Variants in GRID2 observed in about 807,000 individuals in gnomAD.
GRID2 encodes glutamate ionotropic receptor delta type subunit 2.
A neutral mutation model predicts 114.8 loss-of-function variants in GRID2; 33 were observed. The observed-to-expected ratio is 0.29, with a 90% CI of 0.22 to 0.38. GRID2 has a LOEUF of 0.38. GRID2 is among the 10% of genes least tolerant of loss of function. The pLI, the probability that GRID2 is intolerant of heterozygous loss-of-function variation, is 1.00. For missense variants in GRID2, 1,184 were observed against 1,257.7 expected (o/e 0.94, Z 0.89); for synonymous variants, 505 against 449.9 (o/e 1.12, Z -1.55).
intron 2 of GRID2, among the ~76,000 whole-genome samples, chr4:93,025,762 C>G (rs182143073): frequency 6.6e-6 from 1 of 151,694 alleles, no homozygotes; most frequent in African/African-American, 2.4e-5. Context: ...AACATAATAG[C>G]TTCCCATGAG....
At chr4:93,756,121 C>A (rs966524983) in intron 14 of GRID2, among the ~76,000 whole-genome samples, 13 of 152,036 alleles carry the variant, frequency 8.6e-5, no homozygotes, top group Non-Finnish European at 4.4e-5. Context: ...TTATATGTAT[C>A]CTAGTTTTTA....
intron 8 of GRID2, among the ~76,000 whole-genome samples, chr4:93,356,261 T>A (rs956793063): frequency 6.6e-6 from 1 of 152,084 alleles, no homozygotes; most frequent in African/African-American, 2.4e-5. Context: ...TTATCAAGTA[T>A]AGAATACTTA....
intron 1 of GRID2, among the ~76,000 whole-genome samples, chr4:92,357,427 A>T (rs1451501228): frequency 1.3e-5 from 2 of 151,930 alleles, no homozygotes; most frequent in Non-Finnish European, 2.9e-5. Flanking sequence ...ATAATTCAAA[A>T]TCTGCTCTCT....
At chr4:93,266,260 A>C (rs1256112959) in intron 8 of GRID2, among the ~76,000 whole-genome samples, 1 of 152,158 alleles carries the variant, frequency 6.6e-6, no homozygotes, top group East Asian at 1.9e-4. Context: ...TGAACAAAAC[A>C]ATTTTATTCG....
At chr4:92,575,854 A>T (rs1727865624) in intron 1 of GRID2, among the ~76,000 whole-genome samples, 1 of 152,220 alleles carries the variant, frequency 6.6e-6, no homozygotes, top group Non-Finnish European at 1.5e-5. Context: ...TCCCTCCCAG[A>T]GAGAAATTAG....
At chr4:93,501,397 T>C (rs999799734) in intron 12 of GRID2, among the ~76,000 whole-genome samples, 2 of 152,024 alleles carry the variant, frequency 1.3e-5, no homozygotes. Context: ...GGCTGGCTCA[T>C]ACTGCCTTTC....
At chr4:93,303,006 G>T (rs997001198) in intron 8 of GRID2, among the ~76,000 whole-genome samples, 3 of 152,188 alleles carry the variant, frequency 2.0e-5, no homozygotes, top group African/African-American at 7.2e-5. Flanking sequence ...CAGGAAGCAT[G>T]GCTGGGGAGG....
intron 7 of GRID2, among the ~76,000 whole-genome samples, chr4:93,234,045 T>C (rs545334136): frequency 6.6e-6 from 1 of 152,276 alleles, no homozygotes; most frequent in East Asian, 1.9e-4. Context: ...ATTTAGAATT[T>C]ACAAATCTGA....
intron 8 of GRID2, among the ~76,000 whole-genome samples, chr4:93,297,074 G>A (rs763006130): frequency 1.3e-5 from 2 of 151,966 alleles, no homozygotes; most frequent in East Asian, 1.9e-4. Context: ...CATATCTATG[G>A]CATACATTAT....
intron 2 of GRID2, among the ~76,000 whole-genome samples, chr4:93,064,607 C>G (rs2149297239): frequency 6.6e-6 from 1 of 151,746 alleles, no homozygotes; most frequent in East Asian, 1.9e-4. Context: ...TGGGTTTCAT[C>G]AAGGTAGAAA....
intron 2 of GRID2, among the ~76,000 whole-genome samples, chr4:92,631,452 A>G (rs1023054655): frequency 1.6e-4 from 24 of 152,286 alleles, no homozygotes; most frequent in African/African-American, 5.8e-4. Flanking sequence ...ATCTTTTTAA[A>G]ATTTAAAACA....
intron 2 of GRID2, among the ~76,000 whole-genome samples, chr4:92,939,005 A>G (rs1376927841): frequency 6.1e-5 from 9 of 147,188 alleles, no homozygotes; most frequent in African/African-American, 2.2e-4. Context: ...TGCTATTGTG[A>G]ATAGTGCCGC....
intron 15 of GRID2, among the ~76,000 whole-genome samples, chr4:93,770,553 A>G (rs1033826360): frequency 1.3e-5 from 2 of 152,216 alleles, no homozygotes; most frequent in Non-Finnish European, 2.9e-5. Flanking sequence ...GCTTGGCTTT[A>G]GCAAAGATGA....
intron 8 of GRID2, chr4:93,258,978 A>G (rs1749937881): frequency 2.2e-6 from 1 of 445,314 alleles, no homozygotes. Flanking sequence ...TGTGCTGACT[A>G]GAGTACCACT....
rs1252934595 is a variant in GRID2 at position 93,774,002 on chromosome 4, T to C, written c.*1504T>C. 6.6e-6 allele frequency: 1 copy of C among 152,128 alleles called. No individual in the cohort carries two copies. Among genetic ancestry groups the C allele is most frequent in the Non-Finnish European group, 1.5e-5 (1 of 67,974 alleles). 9.4% of individuals were successfully genotyped at this position (152,128 alleles called of 1,614,324 possible). ...GTAAGTAGGAAGCAAGAACTTATTC[T>C]GTGTTTTTACGCAGCCATACACTTA... is the stretch of plus-strand genomic sequence containing the variant. On this transcript the variant is annotated 3_prime_UTR_variant, in exon 16 of 16. Transcript: ENST00000282020.
chr4:92,631,558 A>AT (rs1477994577), intron 2 of GRID2, among the ~76,000 whole-genome samples: 2 of 152,170 alleles, frequency 1.3e-5, no homozygotes, highest in South Asian at 2.1e-4. Context: ...TTTTTAAATT[A>AT]TTTTTTTAAA....
At chr4:93,203,770 G>A (rs1291461859) in intron 4 of GRID2, among the ~76,000 whole-genome samples, 1 of 152,122 alleles carries the variant, frequency 6.6e-6, no homozygotes, top group Non-Finnish European at 1.5e-5. Context: ...AGTAGGAAAG[G>A]GGAGTCTGCT....
chr4:93,146,345 G>C (rs975301201), intron 4 of GRID2, among the ~76,000 whole-genome samples: 19 of 152,166 alleles, frequency 1.2e-4, no homozygotes, highest in Non-Finnish European at 1.8e-4. Flanking sequence ...ATAAAGTTAA[G>C]AGGGCAATTC....
At chr4:92,352,479 C>T (rs1001624151) in intron 1 of GRID2, among the ~76,000 whole-genome samples, 7 of 151,684 alleles carry the variant, frequency 4.6e-5, no homozygotes, top group African/African-American at 1.2e-4. Context: ...CCTTTCACTT[C>T]GTTGATTGTT....
Sources: gnomAD v4.1 joint callset for allele counts (sites outside exome capture counted in the v4.1 genomes callset) on GRCh38, gnomAD v4.1.1 for gene constraint, MANE v1.5 for transcripts, NCBI Gene and HGNC (gene_info 2026-07-23, HGNC 2026-07-21) for gene names.